Variants in MAPKBP1 observed in about 807,000 individuals in gnomAD.
The protein encoded by MAPKBP1 is mitogen-activated protein kinase binding protein 1.
A neutral mutation model predicts 170.5 loss-of-function variants in MAPKBP1; 71 were observed. The ratio of observed to expected loss-of-function variants is 0.42; its 90% CI spans 0.34 to 0.51. The LOEUF (loss-of-function observed/expected upper bound fraction) is 0.51, where lower values mean the gene tolerates loss of function less well. Ranked by LOEUF, MAPKBP1 falls within the 20% of genes least tolerant of loss-of-function variation. MAPKBP1 has a pLI of 0.06. For synonymous variants in MAPKBP1, 719 were observed against 757.9 expected, an observed-to-expected ratio of 0.95 and a Z score of 0.84; for missense variants, 1,598 against 1,933.0, an observed-to-expected ratio of 0.83 and a Z score of 3.25.
At position 41,822,119 on chromosome 15, in the gene MAPKBP1, G is replaced by A. The variant is rs373236021; in HGVS notation, c.3031+9G>A. 35 of 1,415,490 alleles carry A rather than the reference G, an allele frequency of 2.5e-5. No homozygotes were observed. The Middle Eastern group carries it at 5.9e-4, about 24-fold the overall frequency. The allele number at this position is 1,415,490 out of a possible 1,614,324, so 87.7% of individuals were successfully genotyped here. A position where few individuals can be genotyped will look rare whatever the true frequency, so the allele number is the denominator to read the frequency against. On this transcript the variant is annotated intron_variant, in intron 25 of 30. Coordinates refer to ENST00000457542, the MANE Select transcript of MAPKBP1 (RefSeq NM_014994.3). ...GGAGCACCCCACTGAAGGTGAGGCT[G>A]TAGCCTGGAGGGAGGGGCCATGGGG... is the stretch of plus-strand genomic sequence containing the variant.
chr15:41,814,096 A>G (rs1260425696), intron 9 of MAPKBP1, among the ~76,000 whole-genome samples: 2 of 152,168 alleles, frequency 1.3e-5, no homozygotes, highest in Admixed American at 6.5e-5. Context: ...ACTAGGGGCA[A>G]TTCTACAGTG....
intron 2 of MAPKBP1, among the ~76,000 whole-genome samples, chr15:41,786,911 T>C (rs1012696229): frequency 4.2e-4 from 63 of 150,958 alleles, no homozygotes; most frequent in African/African-American, 1.4e-3. Context: ...ATTTCCTTTT[T>C]TCTTTGACAT....
In MAPKBP1 at chr15:41,823,972, G is replaced by A. The variant is rs1173595005; in HGVS notation, c.4124G>A (p.Gly1375Asp). ...QQLPVSSLFQ[G>D]PENLQPPPPE... Reference sequence around the variant, plus strand: ...CTGCCAGTCAGCAGCCTCTTCCAAGGCCCTGAAAACTTGCAGCCCCCACCC... The same window carrying A: ...CTGCCAGTCAGCAGCCTCTTCCAAGACCCTGAAAACTTGCAGCCCCCACCC... Residue 1375 changes from glycine to aspartate, a missense_variant, in exon 29 of 31, where the codon GGC becomes GAC. Transcript: ENST00000457542. The A allele has an allele frequency of 1.2e-6, 2 of 1,613,840 alleles. No homozygotes were observed. Among genetic ancestry groups the A allele is most frequent in the Non-Finnish European group, 1.7e-6 (2 of 1,180,014 alleles).
In MAPKBP1 at chr15:41,814,599, T is replaced by C. The variant is rs146531821; in HGVS notation, c.1030T>C (p.Leu344=). ...ANARYPDTIA[L]TFDPTNQWLS... is the part of the protein sequence containing the mutation. ...TGCCAGGTATCCAGACACCATTGCCTTGACCTTTGATCCTACTAATCAGTG... is the reference window on the plus strand; with the variant it reads ...TGCCAGGTATCCAGACACCATTGCCCTGACCTTTGATCCTACTAATCAGTG... Residue 344 remains leucine (L), a synonymous_variant, in exon 10 of 31, where the codon TTG becomes CTG. Coordinates refer to ENST00000457542, the MANE Select transcript of MAPKBP1 (RefSeq NM_014994.3). 3.6e-5 allele frequency: 58 copies of C among 1,614,206 alleles called. No homozygotes were observed. The East Asian group carries it at 1.3e-3, about 36-fold the overall frequency.
chr15:41,824,375 G>C (rs574596523), intron 29 of MAPKBP1, 109 bp from the exon 30 acceptor site: 14 of 1,010,998 alleles, frequency 1.4e-5, no homozygotes, highest in African/African-American at 3.2e-5. Context: ...GAGGGCAAGT[G>C]GGGGGTGCAA....
In MAPKBP1 at chr15:41,819,648, C is replaced by A; in HGVS notation, c.2479C>A (p.Arg827=). The A allele has an allele frequency of 6.2e-7, 1 of 1,609,090 alleles. No homozygotes were observed. The highest frequency in any genetic ancestry group is 8.5e-7 in the Non-Finnish European group (1 of 1,177,214). ...PRSLSHWEMS[R]AQESVGFLDP... is the part of the protein sequence containing the mutation. The stretch of plus-strand genomic sequence containing the variant: ...AAGCCTGTCCCACTGGGAGATGAGT[C>A]GGGTGAGTCGCCATTGTTAAAATGT... Residue 827 remains arginine (R), a splice_region_variant and synonymous_variant, in exon 22 of 31, where the codon CGG becomes AGG. Coordinates refer to ENST00000457542, the MANE Select transcript of MAPKBP1 (RefSeq NM_014994.3).
intron 23 of MAPKBP1, 184 bp downstream of exon 23, chr15:41,821,252 A>C: frequency 1.5e-6 from 1 of 658,188 alleles, no homozygotes; most frequent in African/African-American, 1.8e-5. Context: ...CAGGATAGGC[A>C]GGGGAGGGGT....
intron 10 of MAPKBP1, 76 bp from the exon 11 acceptor site, chr15:41,815,177 GTCCCAT>G: frequency 6.5e-7 from 1 of 1,545,430 alleles, no homozygotes; most frequent in Non-Finnish European, 8.8e-7. Context: ...TCCCTTTTTC[GTCCCAT>G]TCCCTTCCAT....
At position 41,825,222 on chromosome 15, in the gene MAPKBP1, A is replaced by G. The variant is rs540707833; in HGVS notation, c.4313A>G (p.Lys1438Arg). 6.3e-6 allele frequency: 10 copies of G among 1,582,906 alleles called. No homozygotes were observed. In the East Asian group the frequency reaches 2.3e-4, roughly 36 times the overall value. Residue 1438 changes from lysine to arginine, a missense_variant, in exon 31 of 31, where the codon AAG becomes AGG. Lys to Arg is a conservative substitution (Grantham distance 26). Transcript: ENST00000457542. ...GTGCTATTTCAGGTGGCTGGCTGCA[A>G]GATGCCCTCAGCAGAGCAAAGTCGG... ...VRLYHSVAGCKMPSAEQSRIA... is the reference protein window; with the variant it reads ...VRLYHSVAGCRMPSAEQSRIA...
intron 22 of MAPKBP1, among the ~76,000 whole-genome samples, 197 bp from the exon 23 acceptor site, chr15:41,820,635 C>T (rs1350890024): frequency 1.3e-5 from 2 of 152,196 alleles, no homozygotes; most frequent in Non-Finnish European, 2.9e-5. Flanking sequence ...GCAGACTGCT[C>T]ACTTAAGCCC....
In MAPKBP1 at chr15:41,823,090, C is replaced by T. The variant is rs1567156791; in HGVS notation, c.3466C>T (p.Gln1156Ter). The T allele has an allele frequency of 6.2e-7, 1 of 1,613,900 alleles. No individual in the cohort carries two copies. The highest frequency in any genetic ancestry group is 8.5e-7 in the Non-Finnish European group (1 of 1,179,994). The change falls in exon 28 of 31, where the codon CAG becomes TAG. Residue 1156 changes from glutamine (Q) to a stop codon, truncating the protein, a stop_gained. Coordinates refer to ENST00000457542, the MANE Select transcript of MAPKBP1 (RefSeq NM_014994.3). LOFTEE classifies it high-confidence loss of function. ...EPSSGNPSPQ[Q>*]AASVLLPRCR... ...GTCCTCTGGCAACCCCAGCCCCCAG[C>T]AGGCAGCCTCTGTGCTGTTGCCACG... is the stretch of plus-strand genomic sequence containing the variant.
intron 8 of MAPKBP1, 183 bp downstream of exon 8, chr15:41,813,284 TC>T (rs1212834660): frequency 6.5e-7 from 1 of 1,526,884 alleles, no homozygotes; most frequent in Admixed American, 1.7e-5. Flanking sequence ...AACTGCCTCC[TC>T]TCTGCTCTTT....
chr15:41,790,716 A>G lies in MAPKBP1; in HGVS notation c.115-9107A>G, dbSNP rs563466643. Among the ~76,000 whole-genome samples, 10 of 152,342 alleles carry G rather than the reference A, an allele frequency of 6.6e-5. No homozygotes were observed. The South Asian group carries it at 1.7e-3, about 25-fold the overall frequency. ...GTATAGATGGAACTCTACATCAGCC[A>G]AACTGGGTAGAGACCAGGAGCAGAG... is the stretch of plus-strand genomic sequence containing the variant. On this transcript the variant is annotated intron_variant, in intron 2 of 30. Transcript: ENST00000457542.
Position 41,799,882 on chromosome 15 carries a change from C to T in MAPKBP1, c.174C>T (p.Asp58=), listed in dbSNP as rs367612663. 3.3e-5 allele frequency: 54 copies of T among 1,613,996 alleles called. No homozygotes were observed. Among genetic ancestry groups the T allele is most frequent in the Non-Finnish European group, 2.7e-5 (32 of 1,180,004 alleles). ...TVSGGRGLAC[D]PRSGLVAYPA... Reference sequence around the variant, plus strand: ...CTGGAGGCAGAGGACTTGCCTGTGACCCCCGATCAGGTTTAGTTGCTTACC... The same window carrying T: ...CTGGAGGCAGAGGACTTGCCTGTGATCCCCGATCAGGTTTAGTTGCTTACC... The change falls in exon 3 of 31, where the codon GAC becomes GAT. Residue 58 remains aspartate (D), a synonymous_variant. Transcript: ENST00000457542.
At chr15:41,789,730 A>G (rs898599356) in intron 2 of MAPKBP1, among the ~76,000 whole-genome samples, 2 of 152,172 alleles carry the variant, frequency 1.3e-5, no homozygotes, top group African/African-American at 4.8e-5. Flanking sequence ...GTCAGAACCC[A>G]TTTTTTAGAC....
chr15:41,792,643 G>A (rs2064413778), intron 2 of MAPKBP1, among the ~76,000 whole-genome samples: 1 of 152,200 alleles, frequency 6.6e-6, no homozygotes, highest in African/African-American at 2.4e-5. Context: ...CCAGCTGCCT[G>A]CAGCAGTTGT....
At chr15:41,808,326 C>T (rs1431827288) in intron 3 of MAPKBP1, among the ~76,000 whole-genome samples, 9 of 150,898 alleles carry the variant, frequency 6.0e-5, no homozygotes, top group African/African-American at 1.9e-4. Context: ...AGGATGGTCT[C>T]GATCTCCTGA....
intron 2 of MAPKBP1, among the ~76,000 whole-genome samples, chr15:41,785,699 T>C (rs1246490877): frequency 3.9e-4 from 59 of 152,158 alleles, no homozygotes; most frequent in Non-Finnish European, 1.3e-4. Context: ...CAGAGTAAAA[T>C]AATCTATTAA....
Position 41,822,626 on chromosome 15 carries a change from C to G in MAPKBP1, c.3263C>G (p.Ser1088Cys), listed in dbSNP as rs148176335. 8.8e-5 allele frequency: 142 copies of G among 1,614,078 alleles called. 1 individual carries two copies. The African/African-American group carries it at 1.7e-3, about 20-fold the overall frequency. ...GTGCAGGTCCCAGAGAGGTCAGAGT[C>G]TCGGAGTATCTCTTCACGATTCCTG... Reference protein sequence around the residue: ...APVQVPERSESRSISSRFLLQ... With the variant: ...APVQVPERSECRSISSRFLLQ... The change falls in exon 27 of 31, where the codon TCT (serine) becomes TGT (cysteine). Residue 1088 changes from serine to cysteine, a missense_variant. Around this residue, in one of 6 missense-constraint regions of MAPKBP1, gnomAD observed 942 missense variants for 953.2 expected, o/e 0.99. Coordinates refer to ENST00000457542, the MANE Select transcript of MAPKBP1 (RefSeq NM_014994.3).
Sources: gnomAD v4.1 joint callset for allele counts (sites outside exome capture counted in the v4.1 genomes callset) on GRCh38, gnomAD v4.1.1 for gene constraint, gnomAD v4.1.1 regional missense constraint, MANE v1.5 for transcripts, NCBI Gene and HGNC (gene_info 2026-07-23, HGNC 2026-07-21) for gene names.